TRIM48: variants seen among roughly 807,000 people sequenced by gnomAD.
TRIM48 encodes the protein E3 ubiquitin-protein ligase TRIM48.
In TRIM48, 31 loss-of-function variants were observed where a neutral mutation model predicts 29.5. That is an observed-to-expected ratio of 1.05 (90% confidence interval 0.79 to 1.42). TRIM48 has a LOEUF of 1.42. TRIM48 is among the 40% of genes most tolerant of loss of function. The pLI is 0.00. For synonymous variants in TRIM48, 128 were observed against 90.6 expected, an observed-to-expected ratio of 1.41 and a Z score of -2.34; for missense variants, 344 against 265.0, an observed-to-expected ratio of 1.30 and a Z score of -2.07.
rs1271003023 is a variant in TRIM48 at position 55,266,018 on chromosome 11, A to G, written c.555+323A>G. 5.4e-5 allele frequency among the ~76,000 whole-genome samples: 8 copies of G among 147,282 alleles called. 1 individual carries two copies. The highest frequency in any genetic ancestry group is 2.0e-4 in the African/African-American group (8 of 40,246). On this transcript the variant is annotated intron_variant, in intron 3 of 5. Coordinates refer to ENST00000417545, the MANE Select transcript of TRIM48 (RefSeq NM_024114.5). Reference sequence around the variant, plus strand: ...TGCTGGTTGGATAAATGCTGGGCATAAGAGTTATTTGGCAGTCATGGAAAG... The same window carrying G: ...TGCTGGTTGGATAAATGCTGGGCATGAGAGTTATTTGGCAGTCATGGAAAG...
chr11:55,267,098 C>T (rs1857405619), intron 3 of TRIM48, among the ~76,000 whole-genome samples: 1 of 147,920 alleles, frequency 6.8e-6, no homozygotes, highest in Non-Finnish European at 1.5e-5. Context: ...TATACTCCAA[C>T]TCTTAAGCAT....
chr11:55,269,314 G>T lies in TRIM48; in HGVS notation c.651G>T (p.Leu217=), dbSNP rs1488475777. The T allele has an allele frequency of 2.5e-6, 4 of 1,575,956 alleles. No individual in the cohort carries two copies. The South Asian group carries it at 3.6e-5, about 14-fold the overall frequency. Residue 217 remains leucine, a synonymous_variant, in exon 5 of 6, where the codon CTG becomes CTT. Coordinates refer to ENST00000417545, the MANE Select transcript of TRIM48 (RefSeq NM_024114.5). ...LALRAGPITG[L]RDRLNQF ...TCAGGGCAGGGCCCATCACTGGACT[G>T]AGGGACAGGCTCAACCAATTCTGAG...
intron 5 of TRIM48, among the ~76,000 whole-genome samples, chr11:55,269,747 T>C (rs975510184): frequency 6.8e-6 from 1 of 147,886 alleles, no homozygotes; most frequent in Non-Finnish European, 1.5e-5. Context: ...TTCTTGGGGT[T>C]TTTTAATTTT....
Position 55,267,756 on chromosome 11 carries a change from C to T in TRIM48, c.556-594C>T, listed in dbSNP as rs1465963665. On this transcript the variant is annotated intron_variant, in intron 3 of 5. Coordinates refer to ENST00000417545, the MANE Select transcript of TRIM48 (RefSeq NM_024114.5). ...CATGATGTGTTTCCAAAAACACATT[C>T]GCATAACTAATGCTACTTTATTGGG... The T allele has an allele frequency of 4.5e-5, 64 of 1,437,264 alleles. 4 individuals carry two copies. The highest frequency in any genetic ancestry group is 4.0e-4 in the African/African-American group (28 of 69,800). The allele number at this position is 1,437,264 out of a possible 1,614,324, so 89.0% of individuals were successfully genotyped here.
Position 55,267,405 on chromosome 11 carries a change from C to T in TRIM48, c.556-945C>T, listed in dbSNP as rs3974142. On this transcript the variant is annotated intron_variant, in intron 3 of 5. Coordinates refer to ENST00000417545, the MANE Select transcript of TRIM48 (RefSeq NM_024114.5). The stretch of plus-strand genomic sequence containing the variant: ...CTTTTGACTAACCCATTATTACTGC[C>T]GTATTATGTGAATGTAAGGCTAGAA... 201 of 1,574,654 alleles carry T rather than the reference C, an allele frequency of 1.3e-4. 17 individuals are homozygous for T. Among genetic ancestry groups the T allele is most frequent in the East Asian group, 2.2e-4 (9 of 41,260 alleles).
chr11:55,268,636 T>C lies in TRIM48; in HGVS notation c.578+264T>C, dbSNP rs1302905329. On this transcript the variant is annotated intron_variant, in intron 4 of 5. Coordinates refer to ENST00000417545, the MANE Select transcript of TRIM48 (RefSeq NM_024114.5). ...GCCTGCATAGGTGAAAGATGAAGTT[T>C]TGTTTTGTGGATGGTGAGAAAGTCA... 4.7e-5 allele frequency among the ~76,000 whole-genome samples: 7 copies of C among 148,038 alleles called. 1 individual carries two copies. The highest frequency in any genetic ancestry group is 1.0e-4 in the Non-Finnish European group (7 of 66,952).
At position 55,266,963 on chromosome 11, in the gene TRIM48, TG is replaced by T. The variant is rs1857403301; in HGVS notation, c.555+1269del. Reference sequence around the variant, plus strand: ...AATGCAGCTTTATTAGGATAGGTTTTGCTGGGCGAAATGCATTTAGCTGGAC... The same window carrying T: ...AATGCAGCTTTATTAGGATAGGTTTTCTGGGCGAAATGCATTTAGCTGGAC... On this transcript the variant is annotated intron_variant, in intron 3 of 5. Coordinates refer to ENST00000417545, the MANE Select transcript of TRIM48 (RefSeq NM_024114.5). Among the ~76,000 whole-genome samples the T allele has an allele frequency of 1.4e-5, 2 of 147,960 alleles. 1 individual carries two copies. Among genetic ancestry groups the T allele is most frequent in the East Asian group, 4.3e-4 (2 of 4,620 alleles).
At chr11:55,268,892 C>T (rs1437719859) in intron 4 of TRIM48, among the ~76,000 whole-genome samples, 1 of 147,938 alleles carries the variant, frequency 6.8e-6, no homozygotes, top group African/African-American at 2.5e-5. Context: ...GCAGATGCAG[C>T]AGTCTCCCCA....
At chr11:55,267,612 C>T in intron 3 of TRIM48, 1 of 1,562,008 alleles carries the variant, frequency 6.4e-7, no homozygotes, top group South Asian at 1.2e-5. Context: ...GAAAATGTGC[C>T]ATAAACCACA....
rs1251756378 is a variant in TRIM48 at position 55,266,678 on chromosome 11, A to C, written c.555+983A>C. Among the ~76,000 whole-genome samples, 2 of 147,832 alleles carry C rather than the reference A, an allele frequency of 1.4e-5. 1 individual carries two copies. Among genetic ancestry groups the C allele is most frequent in the Non-Finnish European group, 3.0e-5 (2 of 66,966 alleles). On this transcript the variant is annotated intron_variant, in intron 3 of 5. Transcript: ENST00000417545. ...GGTCAGAAAAAAGACTCACTGAAAA[A>C]TTCAAATTGAACAAAGTTTCAAAGA...
intron 3 of TRIM48, among the ~76,000 whole-genome samples, chr11:55,267,166 T>C (rs1226346264): frequency 6.8e-6 from 1 of 148,056 alleles, no homozygotes; most frequent in Non-Finnish European, 1.5e-5. Context: ...AAATTGTGTT[T>C]TTTTTTATTT....
chr11:55,267,646 C>T, intron 3 of TRIM48: 2 of 1,565,668 alleles, frequency 1.3e-6, no homozygotes, highest in Non-Finnish European at 1.7e-6. Flanking sequence ...CAGGTACAAA[C>T]TCGCAATGTG....
At chr11:55,266,987 G>C (rs1425664323) in intron 3 of TRIM48, among the ~76,000 whole-genome samples, 2 of 147,654 alleles carry the variant, frequency 1.4e-5, no homozygotes, top group African/African-American at 5.0e-5. Context: ...CATTTAGCTG[G>C]ACATGTTAGT....
rs1011272996 is a variant in TRIM48 at position 55,264,566 on chromosome 11, T to C, written c.45-334T>C. Among the ~76,000 whole-genome samples the C allele has an allele frequency of 3.2e-4, 47 of 147,584 alleles. 5 individuals carry two copies. Among genetic ancestry groups the C allele is most frequent in the Non-Finnish European group, 7.5e-5 (5 of 66,832 alleles). On this transcript the variant is annotated intron_variant, in intron 1 of 5. Transcript: ENST00000417545. ...ATTCGGCAGTCATATGAAAGAAGAA[T>C]AGGAACAACTACAATTTATTCTAGG...
chr11:55,269,804 TA>T lies in TRIM48; in HGVS notation c.*1+470del, dbSNP rs1269905138. Among the ~76,000 whole-genome samples, 4 of 147,772 alleles carry T rather than the reference TA, an allele frequency of 2.7e-5. 1 individual carries two copies. Among genetic ancestry groups the T allele is most frequent in the Non-Finnish European group, 4.5e-5 (3 of 66,836 alleles). ...ATTTCCAAGAAAATTAGTTAATGGGTAAAAATAAAAAGAAATCATTTTGTGA... is the reference window on the plus strand; with the variant it reads ...ATTTCCAAGAAAATTAGTTAATGGGTAAAATAAAAAGAAATCATTTTGTGA... On this transcript the variant is annotated intron_variant, in intron 5 of 5. Transcript: ENST00000417545.
chr11:55,263,396 T>C (rs1310003196), intron 1 of TRIM48, among the ~76,000 whole-genome samples: 5 of 151,956 alleles, frequency 3.3e-5, no homozygotes, highest in Non-Finnish European at 5.9e-5. Flanking sequence ...CTCATGCCTG[T>C]AATCCCAGCA....
chr11:55,265,738 G>GA (rs1857382714), intron 3 of TRIM48, 43 bp downstream of exon 3: 4 of 1,542,986 alleles, frequency 2.6e-6, no homozygotes, highest in Non-Finnish European at 2.6e-6. Flanking sequence ...ACTTATGGTG[G>GA]GCAAATGGGT....
intron 5 of TRIM48, 140 bp downstream of exon 5, chr11:55,269,479 G>C: frequency 1.7e-6 from 2 of 1,201,926 alleles, no homozygotes; most frequent in Non-Finnish European, 2.3e-6. Flanking sequence ...CAACCCTTTT[G>C]TATCTGTGTC....
rs1258078773 is a variant in TRIM48, at chr11:55,270,511, G to A, written c.*76G>A. On this transcript the variant is annotated 3_prime_UTR_variant, in exon 6 of 6. Coordinates refer to ENST00000417545, the MANE Select transcript of TRIM48 (RefSeq NM_024114.5). ...TGGAGATTTGAGAAGCATTTGTATT[G>A]GATGTGACCGTCAAAATCCGCCCCA... 4 of 1,578,052 alleles carry A rather than the reference G, an allele frequency of 2.5e-6. No homozygotes were observed. In the African/African-American group the frequency reaches 4.1e-5, roughly 16 times the overall value.
Sources: gnomAD v4.1 joint callset for allele counts (sites outside exome capture counted in the v4.1 genomes callset) on GRCh38, gnomAD v4.1.1 for gene constraint, MANE v1.5 for transcripts, NCBI Gene and HGNC (gene_info 2026-07-23, HGNC 2026-07-21) for gene names.